The following LHFPL3 variants were observed in gnomAD, a reference collection of about 807,000 sequenced individuals.
The protein encoded by LHFPL3 is LHFPL tetraspan subfamily member 3 protein.
LHFPL3 carries 5 observed loss-of-function variants against 19.3 expected under a neutral mutation model. That is an observed-to-expected ratio of 0.26 (90% CI 0.14 to 0.54). The LOEUF is 0.54. Among genes scored for constraint, LHFPL3 ranks in the 20% least tolerant of loss-of-function variants. The pLI, the probability that LHFPL3 is intolerant of heterozygous loss-of-function variation, is 0.94. For missense variants in LHFPL3, 249 were observed against 307.4 expected (o/e 0.81, Z 1.42); for synonymous variants, 133 against 126.2 (o/e 1.05, Z -0.36).
chr7:104,342,568 C>T (rs1028954717), intron 1 of LHFPL3, among the ~76,000 whole-genome samples: 14 of 152,114 alleles, frequency 9.2e-5, no homozygotes, highest in Non-Finnish European at 1.6e-4. Flanking sequence ...CCACTGAACA[C>T]CACTCAAAGG....
intron 1 of LHFPL3, among the ~76,000 whole-genome samples, chr7:104,409,990 A>G (rs906753325): frequency 1.3e-5 from 2 of 152,118 alleles, no homozygotes; most frequent in African/African-American, 2.4e-5. Flanking sequence ...TTCAGTGAAT[A>G]TTTAAGTTTG....
At chr7:104,679,187 C>G (rs961357677) in intron 1 of LHFPL3, among the ~76,000 whole-genome samples, 1 of 152,206 alleles carries the variant, frequency 6.6e-6, no homozygotes, top group African/African-American at 2.4e-5. Context: ...GAATCCACTT[C>G]CAATATGGCT....
At chr7:104,596,983 T>C (rs548684237) in intron 1 of LHFPL3, among the ~76,000 whole-genome samples, 1 of 152,346 alleles carries the variant, frequency 6.6e-6, no homozygotes, top group Non-Finnish European at 1.5e-5. Context: ...TAAATGTTTT[T>C]TGAACTACAG....
At chr7:104,342,180 TG>T (rs1789970850) in intron 1 of LHFPL3, among the ~76,000 whole-genome samples, 1 of 152,006 alleles carries the variant, frequency 6.6e-6, no homozygotes, top group South Asian at 2.1e-4. Flanking sequence ...AGCAGTTCAC[TG>T]GATAATTCAA....
chr7:104,761,274 G>A (rs539492410), intron 2 of LHFPL3, among the ~76,000 whole-genome samples: 53 of 152,186 alleles, frequency 3.5e-4, no homozygotes, highest in African/African-American at 1.2e-3. Flanking sequence ...TATATGGATC[G>A]ATTGATTTGG....
intron 1 of LHFPL3, among the ~76,000 whole-genome samples, chr7:104,464,421 G>A (rs543930906): frequency 4.1e-4 from 62 of 152,338 alleles, no homozygotes; most frequent in African/African-American, 1.4e-3. Flanking sequence ...CAGTTCTCCA[G>A]TGGGGACTCT....
At position 104,644,954 on chromosome 7, in the gene LHFPL3, A is replaced by G. The variant is rs1388942926; in HGVS notation, c.446-91721A>G. ...GACCATTAACCCAGGTCTCTTCTCTATTACACCACCCCACCCCACAGCCCC... is the reference window on the plus strand; with the variant it reads ...GACCATTAACCCAGGTCTCTTCTCTGTTACACCACCCCACCCCACAGCCCC... On this transcript the variant is annotated intron_variant, in intron 1 of 2. Coordinates refer to ENST00000424859, the MANE Select transcript of LHFPL3 (RefSeq NM_199000.3). 2.0e-5 allele frequency among the ~76,000 whole-genome samples: 3 copies of G among 152,234 alleles called. No homozygotes were observed. The East Asian group carries it at 5.8e-4, about 29-fold the overall frequency.
intron 1 of LHFPL3, among the ~76,000 whole-genome samples, chr7:104,548,124 T>C (rs1304419534): frequency 1.3e-5 from 2 of 152,322 alleles, no homozygotes; most frequent in East Asian, 3.9e-4. Context: ...TTTTGTCTTA[T>C]GTTTAAACAA....
chr7:104,810,631 T>A (rs1003000992), intron 2 of LHFPL3, among the ~76,000 whole-genome samples: 2 of 152,140 alleles, frequency 1.3e-5, no homozygotes, highest in African/African-American at 4.8e-5. Flanking sequence ...AGGATGCCCA[T>A]ATCATTTTTT....
chr7:104,539,236 AAGTG>A (rs1278125291), intron 1 of LHFPL3, among the ~76,000 whole-genome samples: 1 of 152,208 alleles, frequency 6.6e-6, no homozygotes, highest in African/African-American at 2.4e-5. Context: ...AAAACTAATG[AAGTG>A]GGTATTCCAC....
chr7:104,433,032 A>G (rs901804492), intron 1 of LHFPL3, among the ~76,000 whole-genome samples: 2 of 152,210 alleles, frequency 1.3e-5, no homozygotes, highest in Non-Finnish European at 2.9e-5. Context: ...GTTAAAATTT[A>G]TTGAGGATGC....
chr7:104,412,634 C>T (rs919126856), intron 1 of LHFPL3, among the ~76,000 whole-genome samples: 3 of 152,012 alleles, frequency 2.0e-5, no homozygotes, highest in African/African-American at 4.8e-5. Flanking sequence ...TTTCTTGCTG[C>T]ATTAGGATCT....
chr7:104,769,083 T>TA (rs1354941829), intron 2 of LHFPL3: 1 of 152,228 alleles, frequency 6.6e-6, no homozygotes, highest in African/African-American at 2.4e-5. Flanking sequence ...TCTCATTAAA[T>TA]ACTTACTTTT....
At chr7:104,705,485 G>A (rs1266866951) in intron 1 of LHFPL3, among the ~76,000 whole-genome samples, 1 of 152,114 alleles carries the variant, frequency 6.6e-6, no homozygotes, top group Non-Finnish European at 1.5e-5. Context: ...TCTCCTTCAG[G>A]AGCCTTAGTA....
At chr7:104,845,683 G>C (rs886734733) in intron 2 of LHFPL3, among the ~76,000 whole-genome samples, 17 of 152,232 alleles carry the variant, frequency 1.1e-4, no homozygotes, top group Non-Finnish European at 2.2e-4. Context: ...GGGGAGTCCT[G>C]GGGGATGTGT....
At chr7:104,376,318 G>T (rs954917419) in intron 1 of LHFPL3, among the ~76,000 whole-genome samples, 2 of 152,196 alleles carry the variant, frequency 1.3e-5, no homozygotes, top group South Asian at 4.1e-4. Context: ...TGGTGTGAAA[G>T]ATTAAGTACA....
intron 1 of LHFPL3, among the ~76,000 whole-genome samples, chr7:104,724,339 C>A (rs530450045): frequency 1.6e-4 from 25 of 151,968 alleles, no homozygotes; most frequent in Non-Finnish European, 3.1e-4. Flanking sequence ...AATAAAACAG[C>A]CAAGTAGGAG....
intron 1 of LHFPL3, among the ~76,000 whole-genome samples, chr7:104,560,121 G>T (rs1449618289): frequency 1.4e-5 from 2 of 141,428 alleles, no homozygotes; most frequent in Non-Finnish European, 3.0e-5. Flanking sequence ...TGTTCATCAA[G>T]GATATTGGTC....
chr7:104,472,146 C>T (rs551693406), intron 1 of LHFPL3, among the ~76,000 whole-genome samples: 1 of 149,604 alleles, frequency 6.7e-6, no homozygotes, highest in African/African-American at 2.5e-5. Context: ...CACTGCACTC[C>T]AGCCTGGATG....
Sources: gnomAD v4.1 joint callset for allele counts (sites outside exome capture counted in the v4.1 genomes callset) on GRCh38, gnomAD v4.1.1 for gene constraint, MANE v1.5 for transcripts, NCBI Gene and HGNC (gene_info 2026-07-23, HGNC 2026-07-21) for gene names.